BLTP1: variants seen among roughly 807,000 people sequenced by gnomAD.
BLTP1 encodes bridge-like lipid transfer protein family member 1.
At chr4:122,306,058 CA>C in the BLTP1 span, 2 of 1,596,820 alleles carry the variant, frequency 1.3e-6, no homozygotes, top group Non-Finnish European at 1.7e-6. Flanking sequence ...AAGATAAAGT[CA>C]ATCACTACTA....
chr4:122,272,451 AG>A, the BLTP1 span: 1 of 1,465,940 alleles, frequency 6.8e-7, no homozygotes, highest in East Asian at 2.3e-5. Context: ...CATAATAATT[AG>A]TGCTACTTCT....
At chr4:122,203,787 GA>G in the BLTP1 span, 37 of 507,652 alleles carry the variant, frequency 7.3e-5, no homozygotes, top group East Asian at 1.5e-4. Flanking sequence ...AGTTATTAAA[GA>G]AAAAAACTAA....
chr4:122,201,324 T>C, the BLTP1 span, among the ~76,000 whole-genome samples: 18 of 152,188 alleles, frequency 1.2e-4, no homozygotes, highest in South Asian at 3.3e-3. Flanking sequence ...ACAAGGAAAA[T>C]ATAAACCCCA....
the BLTP1 span, among the ~76,000 whole-genome samples, chr4:122,153,613 C>A: frequency 6.6e-6 from 1 of 152,132 alleles, no homozygotes; most frequent in Non-Finnish European, 1.5e-5. Context: ...CCCAAGCACC[C>A]TGTGATTTTG....
the BLTP1 span, chr4:122,247,453 C>G: frequency 7.3e-7 from 1 of 1,377,566 alleles, no homozygotes; most frequent in South Asian, 1.3e-5. Context: ...ACTATTGCTA[C>G]AATTCGGTAT....
chr4:122,353,289 CAATATTTATA>C, the BLTP1 span: 1 of 1,404,844 alleles, frequency 7.1e-7, no homozygotes, highest in Non-Finnish European at 9.4e-7. This position sits in a 1 kb window ranked among gnomAD's most constrained non-coding sequence, Gnocchi z 4.3. Context: ...ACCAATAAGT[CAATATTTATA>C]ATGTCTGGAA....
At chr4:122,270,634 A>C in the BLTP1 span, among the ~76,000 whole-genome samples, 2 of 131,994 alleles carry the variant, frequency 1.5e-5, no homozygotes, top group Admixed American at 1.5e-4. Flanking sequence ...TATATTAGAT[A>C]CAGATTGTAG....
chr4:122,190,199 C>A, the BLTP1 span: 385,190 of 1,280,254 alleles, frequency 0.3, 61,461 homozygotes, highest in South Asian at 0.46. Context: ...CAGGCTCAAA[C>A]AATCCTCCTA....
chr4:122,209,992 G>T, the BLTP1 span: 1 of 1,547,484 alleles, frequency 6.5e-7, no homozygotes. Context: ...TGAAAAATAA[G>T]AAGCAAATAA....
At chr4:122,347,331 T>C in the BLTP1 span, 1 of 874,588 alleles carries the variant, frequency 1.1e-6, no homozygotes, top group Non-Finnish European at 1.4e-6. Flanking sequence ...TGTTTTGCTC[T>C]TTTCATGGAG....
the BLTP1 span, chr4:122,247,044 G>A: frequency 7.7e-7 from 1 of 1,298,516 alleles, no homozygotes; most frequent in Non-Finnish European, 1.0e-6. Flanking sequence ...TACTACTATT[G>A]GTGTATAATA....
the BLTP1 span, chr4:122,325,792 T>G: frequency 1.1e-6 from 1 of 922,102 alleles, no homozygotes; most frequent in Non-Finnish European, 1.5e-6. Context: ...GTATTTACTT[T>G]TAAGTCATTG....
At chr4:122,355,749 A>G in the BLTP1 span, 45 of 1,536,734 alleles carry the variant, frequency 2.9e-5, 1 homozygote, top group Non-Finnish European at 3.8e-5. Flanking sequence ...AGGCTTGTCA[A>G]TGCCTATTGT....
chr4:122,215,282 T>C, the BLTP1 span: 4 of 830,690 alleles, frequency 4.8e-6, no homozygotes, highest in East Asian at 5.0e-4. Context: ...GGGTATCTTT[T>C]TTCTTTTTAC....
chr4:122,275,913 A>G, the BLTP1 span: 38 of 1,450,320 alleles, frequency 2.6e-5, no homozygotes, highest in Non-Finnish European at 3.4e-5. Flanking sequence ...TAATTTGTGC[A>G]TGAATGTTTA....
the BLTP1 span, chr4:122,347,378 A>G: frequency 7.7e-7 from 1 of 1,297,040 alleles, no homozygotes; most frequent in Non-Finnish European, 1.0e-6. Flanking sequence ...TGCAAACTGT[A>G]AATTGCTGTA....
At chr4:122,161,741 TTAAGGG>T in the BLTP1 span, among the ~76,000 whole-genome samples, 1 of 152,308 alleles carries the variant, frequency 6.6e-6, no homozygotes, top group Non-Finnish European at 1.5e-5. Flanking sequence ...TCAAATTTTC[TTAAGGG>T]TAAAAAAGAT....
chr4:122,338,510 G>T, the BLTP1 span, among the ~76,000 whole-genome samples: 2 of 151,890 alleles, frequency 1.3e-5, no homozygotes, highest in Admixed American at 6.6e-5. Flanking sequence ...ACCAACCTTT[G>T]TTAATTATGA....
At chr4:122,254,193 A>G in the BLTP1 span, 2 of 1,612,468 alleles carry the variant, frequency 1.2e-6, no homozygotes. Flanking sequence ...TATTTTATAT[A>G]GGATGAAGGA....
Sources: gnomAD v4.1 joint callset for allele counts (sites outside exome capture counted in the v4.1 genomes callset) on GRCh38, gnomAD v4.1.1 for gene constraint, Gnocchi (gnomAD v3.1) non-coding constraint, MANE v1.5 for transcripts, NCBI Gene and HGNC (gene_info 2026-07-23, HGNC 2026-07-21) for gene names.